TTC21B: variants seen among roughly 807,000 people sequenced by gnomAD.
TTC21B encodes the protein tetratricopeptide repeat protein 21B.
A neutral mutation model predicts 175.1 loss-of-function variants in TTC21B; 127 were observed. That is an observed-to-expected ratio of 0.73 (90% confidence interval 0.63 to 0.84). The LOEUF (loss-of-function observed/expected upper bound fraction) is 0.84, where lower values mean the gene tolerates loss of function less well. Ranked by LOEUF, TTC21B falls within the 40% of genes least tolerant of loss-of-function variation. TTC21B has a pLI of 0.00. For synonymous variants in TTC21B, 524 were observed against 524.5 expected (o/e 1.00, Z 0.01); for missense variants, 1,561 against 1,558.3 (o/e 1.00, Z -0.03).
rs141133101 is a variant in TTC21B, at chr2:165,922,667, T to C, written c.1516+1882A>G. 6.5e-3 allele frequency among the ~76,000 whole-genome samples: 950 copies of C among 146,520 alleles called. 10 individuals are homozygous for C. Among genetic ancestry groups the C allele is most frequent in the African/African-American group, 0.023 (912 of 39,670 alleles). ...AAATTAGTACAACCTCTTTGGAAAATAGTATGAAGATTTCTCAAAGAACTA... is the reference window on the plus strand; with the variant it reads ...AAATTAGTACAACCTCTTTGGAAAACAGTATGAAGATTTCTCAAAGAACTA... On this transcript the variant is annotated intron_variant, in intron 12 of 28. Transcript: ENST00000243344.
chr2:165,946,649 C>G (rs1687576284), intron 3 of TTC21B, among the ~76,000 whole-genome samples: 1 of 151,998 alleles, frequency 6.6e-6, no homozygotes, highest in African/African-American at 2.4e-5. Context: ...ACCAGCCTGG[C>G]CAACATGGCG....
chr2:165,940,980 A>T (rs1467818922), intron 6 of TTC21B, 47 bp downstream of exon 6: 2 of 1,609,648 alleles, frequency 1.2e-6, no homozygotes, highest in Non-Finnish European at 1.7e-6. Context: ...TTTTCTCAAA[A>T]TTATAACCAA....
chr2:165,881,255 T>C (rs900677771), intron 26 of TTC21B, among the ~76,000 whole-genome samples: 4 of 152,176 alleles, frequency 2.6e-5, no homozygotes, highest in African/African-American at 9.6e-5. Context: ...TGTGTTAGTG[T>C]GCATCTGTAA....
intron 11 of TTC21B, among the ~76,000 whole-genome samples, chr2:165,926,730 C>A (rs1401560969): frequency 1.3e-5 from 2 of 151,874 alleles, no homozygotes; most frequent in Admixed American, 6.6e-5. Context: ...GTCTAATCAG[C>A]TGCCAGCATG....
Position 165,929,767 on chromosome 2 carries a change from A to G in TTC21B, c.1088-20T>C. On this transcript the variant is annotated intron_variant, in intron 9 of 28. Transcript: ENST00000243344. ...TAAATCCTAAAATCAAACAGCAGAA[A>G]GACAGTCAAAGTCCACACCAATTCA... 1.3e-6 allele frequency: 2 copies of G among 1,539,626 alleles called. No homozygotes were observed. The highest frequency in any genetic ancestry group is 9.0e-7 in the Non-Finnish European group (1 of 1,115,214).
intron 12 of TTC21B, among the ~76,000 whole-genome samples, chr2:165,924,130 T>A (rs188627636): frequency 2.1e-4 from 32 of 152,316 alleles, no homozygotes; most frequent in African/African-American, 7.5e-4. Flanking sequence ...GGATTGTTTT[T>A]ATTTTAAGCT....
intron 25 of TTC21B, among the ~76,000 whole-genome samples, chr2:165,887,895 T>C (rs879462970): frequency 6.6e-6 from 1 of 152,172 alleles, no homozygotes; most frequent in African/African-American, 2.4e-5. Flanking sequence ...AATTCCAAGT[T>C]CATGTAAGTG....
At position 165,949,505 on chromosome 2, in the gene TTC21B, C is replaced by T. The variant is rs371396651; in HGVS notation, c.152-1G>A. ...TCTCGAAGAGCTTCTTGAGTTTTACCTGAAAATCAAGATTATGATATGAAA... is the reference window on the plus strand; with the variant it reads ...TCTCGAAGAGCTTCTTGAGTTTTACTTGAAAATCAAGATTATGATATGAAA... On this transcript the variant is annotated splice_acceptor_variant, in intron 2 of 28. Coordinates refer to ENST00000243344, the MANE Select transcript of TTC21B (RefSeq NM_024753.5). LOFTEE classifies it high-confidence loss of function. 3.1e-6 allele frequency: 5 copies of T among 1,613,158 alleles called. No homozygotes were observed. Among genetic ancestry groups the T allele is most frequent in the Non-Finnish European group, 4.2e-6 (5 of 1,179,364 alleles).
intron 5 of TTC21B, 64 bp from the exon 6 acceptor site, chr2:165,941,248 C>T: frequency 6.4e-7 from 1 of 1,551,192 alleles, no homozygotes; most frequent in African/African-American, 1.4e-5. Flanking sequence ...TCTCATAACG[C>T]AGAGCAGGCA....
In TTC21B at chr2:165,949,160, T is replaced by C. The variant is rs547675204; in HGVS notation, c.262+234A>G. The C allele has an allele frequency of 1.6e-4, 83 of 522,144 alleles. No homozygotes were observed. The South Asian group carries it at 1.8e-3, about 11-fold the overall frequency. 32.3% of individuals were successfully genotyped at this position (522,144 alleles called of 1,614,324 possible). On this transcript the variant is annotated intron_variant, in intron 3 of 28. Transcript: ENST00000243344. ...ATTCCCTTTTATCTAAAAAAATCCC[T>C]ATGTACTAATGAAACCTCTGCCAGA...
intron 6 of TTC21B, among the ~76,000 whole-genome samples, chr2:165,934,518 A>AAG (rs1470500192): frequency 1.4e-5 from 1 of 71,586 alleles, no homozygotes; most frequent in African/African-American, 4.0e-5. Context: ...AAAAAAAAAA[A>AAG]AAAGAAAAGA....
chr2:165,923,311 A>G (rs1039357989), intron 12 of TTC21B, among the ~76,000 whole-genome samples: 18 of 152,282 alleles, frequency 1.2e-4, no homozygotes, highest in African/African-American at 3.8e-4. Flanking sequence ...TCACTCCATT[A>G]TATTACAGGA....
chr2:165,886,960 T>G (rs570686472), intron 25 of TTC21B, among the ~76,000 whole-genome samples: 6 of 152,304 alleles, frequency 3.9e-5, no homozygotes, highest in Non-Finnish European at 5.9e-5. Flanking sequence ...CCTGAGCACA[T>G]TACTTCAATG....
intron 18 of TTC21B, among the ~76,000 whole-genome samples, chr2:165,910,958 CAG>C (rs2105317707): frequency 6.6e-6 from 1 of 152,044 alleles, no homozygotes; most frequent in Admixed American, 6.5e-5. Flanking sequence ...ATAGGAGAAA[CAG>C]ATGACTTATG....
At chr2:165,900,076 A>C (rs76788436) in intron 20 of TTC21B, among the ~76,000 whole-genome samples, 196 bp from the exon 21 acceptor site, 1 of 151,716 alleles carries the variant, frequency 6.6e-6, no homozygotes, top group Non-Finnish European at 1.5e-5. Flanking sequence ...AAAAAAAAAA[A>C]CAGAGAAACA....
chr2:165,933,098 A>AAATT, intron 6 of TTC21B, 41 bp from the exon 7 acceptor site: 1 of 1,566,804 alleles, frequency 6.4e-7, no homozygotes, highest in Non-Finnish European at 8.7e-7. Flanking sequence ...ATAAATTTAT[A>AAATT]TATTTTCTTT....
At chr2:165,953,580 G>A (rs986140428) in intron 1 of TTC21B, 105 bp downstream of exon 1, 4 of 1,515,616 alleles carry the variant, frequency 2.6e-6, no homozygotes, top group Non-Finnish European at 3.5e-6. Flanking sequence ...GGGAAACAGC[G>A]GCCTAGCGAA....
chr2:165,893,358 C>T (rs752968518), intron 22 of TTC21B, among the ~76,000 whole-genome samples: 12 of 152,002 alleles, frequency 7.9e-5, no homozygotes, highest in Non-Finnish European at 8.8e-5. Context: ...GTTAAAATTT[C>T]GGATTAAATT....
At chr2:165,905,327 T>C (rs781571481) in intron 19 of TTC21B, among the ~76,000 whole-genome samples, 1 of 151,948 alleles carries the variant, frequency 6.6e-6, no homozygotes, top group Non-Finnish European at 1.5e-5. Context: ...CAAATCCAAA[T>C]GCAAATATAA....
Sources: gnomAD v4.1 joint callset for allele counts (sites outside exome capture counted in the v4.1 genomes callset) on GRCh38, gnomAD v4.1.1 for gene constraint, MANE v1.5 for transcripts, NCBI Gene and HGNC (gene_info 2026-07-23, HGNC 2026-07-21) for gene names.